SBNO2: variants seen among roughly 807,000 people sequenced by gnomAD.
The protein encoded by SBNO2 is strawberry notch homolog 2.
A neutral mutation model predicts 146.3 loss-of-function variants in SBNO2; 89 were observed. The ratio of observed to expected loss-of-function variants is 0.61; its 90% CI spans 0.51 to 0.73. The LOEUF (loss-of-function observed/expected upper bound fraction) is 0.73, where lower values mean the gene tolerates loss of function less well. Among genes scored for constraint, SBNO2 ranks in the 30% least tolerant of loss-of-function variants. The pLI is 0.00. For missense variants in SBNO2, 2,092 were observed against 2,003.7 expected, an observed-to-expected ratio of 1.04 and a Z score of -0.84; for synonymous variants, 1,147 against 892.6, an observed-to-expected ratio of 1.29 and a Z score of -5.08.
intron 1 of SBNO2, among the ~76,000 whole-genome samples, chr19:1,162,568 TGACGCC>T (rs2080359523): frequency 2.0e-5 from 3 of 151,972 alleles, no homozygotes; most frequent in Non-Finnish European, 4.4e-5. Flanking sequence ...GGCAGGAGGC[TGACGCC>T]CCGGAGGGAC....
intron 1 of SBNO2, among the ~76,000 whole-genome samples, chr19:1,170,218 G>A (rs559759301): frequency 3.6e-4 from 55 of 152,318 alleles, no homozygotes; most frequent in Admixed American, 6.5e-4. Context: ...CGAAATCCCC[G>A]TCTTGGCCAG....
chr19:1,171,882 C>G (rs993698987), intron 1 of SBNO2, among the ~76,000 whole-genome samples: 2 of 152,212 alleles, frequency 1.3e-5, no homozygotes, highest in Admixed American at 6.5e-5. Context: ...CTCCTCCGCA[C>G]CTGCACACCT....
chr19:1,145,072 G>A (rs1393657950), intron 4 of SBNO2, among the ~76,000 whole-genome samples: 4 of 151,620 alleles, frequency 2.6e-5, no homozygotes, highest in African/African-American at 4.8e-5. Flanking sequence ...CAGAGAGGGA[G>A]GCAGAGACAG....
intron 5 of SBNO2, 21 bp from the exon 6 acceptor site, chr19:1,124,043 C>T (rs2079936752): frequency 6.2e-7 from 1 of 1,605,176 alleles, no homozygotes; most frequent in Non-Finnish European, 8.5e-7. Flanking sequence ...AGCAGGATGT[C>T]AGCCCGGGCC....
rs1392381977 is a variant in SBNO2, at chr19:1,171,608, T to C, written c.-127+2564A>G. Among the ~76,000 whole-genome samples, 8 of 152,258 alleles carry C rather than the reference T, an allele frequency of 5.3e-5. No homozygotes were observed. In the East Asian group the frequency reaches 1.5e-3, roughly 29 times the overall value. ...TGGTTCTGTCGACACAGTCGCCTCT[T>C]TGTTCGGGGCAGAGCTCACTCTGGC... On this transcript the variant is annotated intron_variant, in intron 1 of 31. Transcript: ENST00000361757.
chr19:1,165,442 C>T (rs1033257887), intron 1 of SBNO2, among the ~76,000 whole-genome samples: 3 of 152,182 alleles, frequency 2.0e-5, no homozygotes, highest in Admixed American at 1.3e-4. Flanking sequence ...GAAGGAAGTC[C>T]AGGCCCAGAG....
chr19:1,166,364 C>A (rs1003996728), intron 1 of SBNO2, among the ~76,000 whole-genome samples: 7 of 152,232 alleles, frequency 4.6e-5, no homozygotes, highest in African/African-American at 1.7e-4. Flanking sequence ...CCCCATGCTC[C>A]GAGCGGGCCT....
chr19:1,109,795 G>T lies in SBNO2; in HGVS notation c.3029-18C>A, dbSNP rs114706253. 6.4e-7 allele frequency: 1 copy of T among 1,553,718 alleles called. No individual in the cohort carries two copies. The highest frequency in any genetic ancestry group is 8.8e-7 in the Non-Finnish European group (1 of 1,140,208). ...AGCAAGGTCTAGGGGGGCGGGTGGAGGGTAAGTGGTGTCCAGGCCTGGGAC... is the reference window on the plus strand; with the variant it reads ...AGCAAGGTCTAGGGGGGCGGGTGGATGGTAAGTGGTGTCCAGGCCTGGGAC... On this transcript the variant is annotated intron_variant, in intron 26 of 31. Transcript: ENST00000361757. This position sits in a 1 kb window ranked among gnomAD's most constrained non-coding sequence, Gnocchi z 4.2.
chr19:1,117,190 CG>C, intron 15 of SBNO2, 132 bp downstream of exon 15: 1 of 936,538 alleles, frequency 1.1e-6, no homozygotes, highest in East Asian at 2.7e-5. Context: ...GACGGACATC[CG>C]GGCGTCTCTC....
intron 1 of SBNO2, among the ~76,000 whole-genome samples, chr19:1,169,368 T>G (rs1204353463): frequency 6.6e-6 from 1 of 152,204 alleles, no homozygotes; most frequent in Non-Finnish European, 1.5e-5. Context: ...GGACTGAGCT[T>G]CAGGGCCACG....
chr19:1,154,660 G>A (rs1343467770), intron 1 of SBNO2, among the ~76,000 whole-genome samples: 4 of 152,318 alleles, frequency 2.6e-5, no homozygotes, highest in East Asian at 1.9e-4. Context: ...AGGTGGGCCC[G>A]ACAGGGCTGC....
intron 4 of SBNO2, among the ~76,000 whole-genome samples, chr19:1,135,296 A>C (rs1433467360): frequency 6.6e-6 from 1 of 151,914 alleles, no homozygotes; most frequent in Non-Finnish European, 1.5e-5. Flanking sequence ...AGAGAGGTGG[A>C]AGCTGCAGTA....
In SBNO2 at chr19:1,122,800, G is replaced by A. The variant is rs766310165; in HGVS notation, c.781-9C>T. 23 of 1,538,170 alleles carry A rather than the reference G, an allele frequency of 1.5e-5. No homozygotes were observed. Among genetic ancestry groups the A allele is most frequent in the South Asian group, 1.3e-4 (11 of 83,988 alleles). On this transcript the variant is annotated splice_polypyrimidine_tract_variant and intron_variant, in intron 8 of 31. Transcript: ENST00000361757. ...AGCAGGACCTCGTGTTGCTGTTGCC[G>A]GAGAGCAGGCGTCAGGGCCTGGGGG...
rs117931971 is a variant in SBNO2 at position 1,136,380 on chromosome 19, C to T, written c.280-8615G>A. Among the ~76,000 whole-genome samples, 1,926 of 152,324 alleles carry T rather than the reference C, an allele frequency of 0.013. 26 individuals carry two copies. Among genetic ancestry groups the T allele is most frequent in the Non-Finnish European group, 0.021 (1,421 of 68,010 alleles). Reference sequence around the variant, plus strand: ...TGCCTGGTATGGGCCCTGGGGCCGCCGCCTCAGTGTCTTCTGGTGCTGCAG... The same window carrying T: ...TGCCTGGTATGGGCCCTGGGGCCGCTGCCTCAGTGTCTTCTGGTGCTGCAG... On this transcript the variant is annotated intron_variant, in intron 4 of 31. Coordinates refer to ENST00000361757, the MANE Select transcript of SBNO2 (RefSeq NM_014963.3). The surrounding 1 kb of genome is among the most constrained non-coding windows in gnomAD (Gnocchi z 4.2).
chr19:1,120,319 A>G lies in SBNO2; in HGVS notation c.1150-296T>C, dbSNP rs758477314. ...GGAAGGGTGGGATCCCTAAACCATG[A>G]TATCGCAGGACGTTGCCATCGGAGG... On this transcript the variant is annotated intron_variant, in intron 11 of 31. Transcript: ENST00000361757. Among the ~76,000 whole-genome samples, 99 of 151,878 alleles carry G rather than the reference A, an allele frequency of 6.5e-4. 1 individual carries two copies. The highest frequency in any genetic ancestry group is 7.7e-4 in the East Asian group (4 of 5,184).
chr19:1,123,700 T>TC, intron 6 of SBNO2, 61 bp from the exon 7 acceptor site: 1 of 1,490,470 alleles, frequency 6.7e-7, no homozygotes, highest in Non-Finnish European at 9.1e-7. Flanking sequence ...GGCACTGGGC[T>TC]CCCCCAGGGG....
chr19:1,146,365 C>G (rs921884880), intron 4 of SBNO2, among the ~76,000 whole-genome samples: 2 of 152,180 alleles, frequency 1.3e-5, no homozygotes, highest in Non-Finnish European at 2.9e-5. Context: ...GGGCCTGGGT[C>G]TGGGTGAGCC....
chr19:1,119,267 G>A, intron 13 of SBNO2, 103 bp from the exon 14 acceptor site: 2 of 1,373,118 alleles, frequency 1.5e-6, no homozygotes, highest in Non-Finnish European at 1.9e-6. Flanking sequence ...GGGTCGGCAG[G>A]AGCAGAGCCC....
In SBNO2 at chr19:1,112,273, G is replaced by A. The variant is rs572862692; in HGVS notation, c.2544C>T (p.Ser848=). 1.4e-5 allele frequency: 23 copies of A among 1,590,636 alleles called. No individual in the cohort carries two copies. The highest frequency in any genetic ancestry group is 1.8e-5 in the Non-Finnish European group (21 of 1,169,356). ...AGATGAGGAAGACATACTCTGGCGC[G>A]GAGACCTGGTTGGACCGGTGGGTGC... ...FGRTHRSNQV[S]APEYVFLISE... Residue 848 remains serine (S), a synonymous_variant, in exon 22 of 32, where the codon TCC becomes TCT. Coordinates refer to ENST00000361757, the MANE Select transcript of SBNO2 (RefSeq NM_014963.3). The surrounding 1 kb of genome is among the most constrained non-coding windows in gnomAD (Gnocchi z 5.9).
Sources: allele counts gnomAD v4.1 joint callset (sites outside exome capture counted in the v4.1 genomes callset), GRCh38; gene constraint gnomAD v4.1.1; non-coding constraint Gnocchi (gnomAD v3.1); transcripts MANE v1.5; gene names NCBI Gene and HGNC (gene_info 2026-07-23, HGNC 2026-07-21).